SWT1: variants seen among roughly 807,000 people sequenced by gnomAD.
SWT1 encodes the protein SWT1 RNA endoribonuclease homolog.
A neutral mutation model predicts 107.3 loss-of-function variants in SWT1; 33 were observed. That is an observed-to-expected ratio of 0.31 (90% CI 0.23 to 0.41). SWT1 has a LOEUF of 0.41. SWT1 is among the 10% of genes least tolerant of loss of function. SWT1 has a pLI of 1.00. For synonymous variants in SWT1, 345 were observed against 348.3 expected (o/e 0.99, Z 0.11); for missense variants, 898 against 1,028.9 (o/e 0.87, Z 1.74).
At chr1:185,259,307 C>G (rs1295238683) in intron 16 of SWT1, among the ~76,000 whole-genome samples, 1 of 152,106 alleles carries the variant, frequency 6.6e-6, no homozygotes, top group Non-Finnish European at 1.5e-5. Flanking sequence ...ATATTGCCAT[C>G]TCTCATAGGA....
At chr1:185,160,498 C>T (rs759391792) in intron 1 of SWT1, among the ~76,000 whole-genome samples, 6 of 151,980 alleles carry the variant, frequency 3.9e-5, no homozygotes, top group African/African-American at 4.8e-5. Context: ...GTCAGGAGGT[C>T]GAGACCAGCC....
intron 14 of SWT1, among the ~76,000 whole-genome samples, chr1:185,218,455 A>T (rs1160750258): frequency 2.0e-5 from 3 of 152,118 alleles, no homozygotes; most frequent in African/African-American, 7.2e-5. Flanking sequence ...AACCACAGGC[A>T]TGTGCCACAA....
chr1:185,188,750 A>G (rs1656703564), intron 9 of SWT1, among the ~76,000 whole-genome samples: 2 of 152,198 alleles, frequency 1.3e-5, no homozygotes, highest in Admixed American at 6.5e-5. Context: ...TAAGGTTGAG[A>G]TGAATTGGCT....
intron 14 of SWT1, among the ~76,000 whole-genome samples, chr1:185,215,198 T>G (rs1354942175): frequency 6.6e-6 from 1 of 152,194 alleles, no homozygotes; most frequent in Non-Finnish European, 1.5e-5. Context: ...TCACATTTGC[T>G]TTATTGTTTT....
Position 185,166,579 on chromosome 1 carries a change from A to G in SWT1, c.92A>G (p.Lys31Arg). The G allele has an allele frequency of 6.3e-7, 1 of 1,597,226 alleles. No individual in the cohort carries two copies. Residue 31 changes from lysine (K) to arginine (R), a missense_variant, in exon 3 of 19, where the codon AAA becomes AGA. Lys to Arg is a conservative substitution (Grantham distance 26). This residue lies in a region of SWT1 where 382 missense variants were observed against 362.4 expected (regional missense o/e 1.05). Transcript: ENST00000367500. ...SSPNFGEKDK[K>R]ERKTPASSTS... ...TCTTTATTGCATTCTTAGGACAAGA[A>G]AGAGAGAAAAACCCCAGCAAGTTCT... is the stretch of plus-strand genomic sequence containing the variant.
At chr1:185,241,124 T>C (rs1487387201) in intron 16 of SWT1, among the ~76,000 whole-genome samples, 3 of 152,170 alleles carry the variant, frequency 2.0e-5, no homozygotes, top group African/African-American at 7.2e-5. Flanking sequence ...TAACACACTT[T>C]AGGCTACTTC....
intron 6 of SWT1, 95 bp from the exon 7 acceptor site, chr1:185,181,851 C>T: frequency 3.7e-6 from 5 of 1,352,184 alleles, no homozygotes; most frequent in Non-Finnish European, 5.1e-6. Flanking sequence ...TTCCATAAAC[C>T]ATCTCAAGTG....
chr1:185,174,547 GAT>G lies in SWT1; in HGVS notation c.403_404del (p.Ile135GlnfsTer10). ...TAAATGTGTAGACTTTAAACCTAAA[GAT>G]ATCAAATTGACAAATGCTGGGAGCA... ...IHKCVDFKPKDIKLTNAGSKL... is the reference protein window; with the variant it reads ...IHKCVDFKPKXIKLTNAGSKL... On this transcript the variant is annotated frameshift_variant, in exon 5 of 19. Coordinates refer to ENST00000367500, the MANE Select transcript of SWT1 (RefSeq NM_017673.7). LOFTEE classifies it high-confidence loss of function. 1 of 1,607,862 alleles carries G rather than the reference GAT, an allele frequency of 6.2e-7. No individual in the cohort carries two copies. Among genetic ancestry groups the G allele is most frequent in the Non-Finnish European group, 8.5e-7 (1 of 1,178,348 alleles).
At position 185,161,996 on chromosome 1, in the gene SWT1, T is replaced by A. The variant is rs1466104718; in HGVS notation, c.84+1071T>A. Reference sequence around the variant, plus strand: ...GACTTTTTCATGACCTGGATGAAGTTCCAGATAGTGTGCTTTTTGGTGTTT... The same window carrying A: ...GACTTTTTCATGACCTGGATGAAGTACCAGATAGTGTGCTTTTTGGTGTTT... On this transcript the variant is annotated intron_variant, in intron 2 of 18. Coordinates refer to ENST00000367500, the MANE Select transcript of SWT1 (RefSeq NM_017673.7). 2.0e-5 allele frequency among the ~76,000 whole-genome samples: 3 copies of A among 152,328 alleles called. No individual in the cohort carries two copies. The East Asian group carries it at 5.8e-4, about 29-fold the overall frequency.
intron 16 of SWT1, among the ~76,000 whole-genome samples, chr1:185,270,125 C>T (rs536434535): frequency 3.3e-5 from 5 of 152,142 alleles, no homozygotes; most frequent in African/African-American, 7.2e-5. Context: ...AGTAGCCCTA[C>T]GAAGTAGGGA....
rs141960245 is a variant in SWT1 at position 185,179,140 on chromosome 1, G to A, written c.967-1251G>A. Among the ~76,000 whole-genome samples, 406 of 152,024 alleles carry A rather than the reference G, an allele frequency of 2.7e-3. 1 individual carries two copies. The highest frequency in any genetic ancestry group is 9.3e-3 in the African/African-American group (384 of 41,468). ...ACAAAAATTAGCTGGGTATGGTGGC[G>A]GGCCTGTAGTCCCAGCTACTTGGGA... On this transcript the variant is annotated intron_variant, in intron 5 of 18. Transcript: ENST00000367500.
chr1:185,180,510 T>C (rs1450303536), intron 6 of SWT1, 60 bp downstream of exon 6: 2 of 1,159,792 alleles, frequency 1.7e-6, no homozygotes, highest in African/African-American at 3.1e-5. Context: ...TTCCTACTTT[T>C]AATAAAAAAT....
intron 10 of SWT1, among the ~76,000 whole-genome samples, chr1:185,199,007 A>G (rs1376694785): frequency 6.8e-6 from 1 of 148,118 alleles, no homozygotes; most frequent in African/African-American, 2.5e-5. Context: ...GTGAGATCTC[A>G]GCTCACTGCA....
At chr1:185,241,815 G>T (rs965631624) in intron 16 of SWT1, among the ~76,000 whole-genome samples, 2 of 152,036 alleles carry the variant, frequency 1.3e-5, no homozygotes, top group Non-Finnish European at 2.9e-5. Flanking sequence ...TTTAAAAGAG[G>T]TATAGAAGAG....
At chr1:185,174,268 T>G (rs562103796) in intron 4 of SWT1, 104 bp from the exon 5 acceptor site, 21 of 854,376 alleles carry the variant, frequency 2.5e-5, no homozygotes, top group Admixed American at 1.1e-4. Context: ...TTCTACTTTT[T>G]ATGAAGCTTA....
chr1:185,248,903 A>G (rs1661803717), intron 16 of SWT1, among the ~76,000 whole-genome samples: 1 of 151,868 alleles, frequency 6.6e-6, no homozygotes, highest in Admixed American at 6.6e-5. Context: ...CCTTACCTTT[A>G]CTCTCATGTT....
At chr1:185,264,612 A>G in intron 16 of SWT1, 1 of 261,562 alleles carries the variant, frequency 3.8e-6, no homozygotes, top group Non-Finnish European at 5.9e-6. Flanking sequence ...TGTTTTACAA[A>G]TGAGAAACTA....
At chr1:185,246,061 C>A (rs915502352) in intron 16 of SWT1, among the ~76,000 whole-genome samples, 2 of 152,124 alleles carry the variant, frequency 1.3e-5, no homozygotes, top group Admixed American at 1.3e-4. Context: ...AGCCACCGCA[C>A]CCAGTCTTAC....
At chr1:185,229,385 G>T (rs1440467681) in intron 15 of SWT1, among the ~76,000 whole-genome samples, 1 of 152,090 alleles carries the variant, frequency 6.6e-6, no homozygotes. Flanking sequence ...GACTGGTATG[G>T]TTATTTTCAT....
Sources: allele counts gnomAD v4.1 joint callset (sites outside exome capture counted in the v4.1 genomes callset), GRCh38; gene constraint gnomAD v4.1.1; regional missense constraint gnomAD v4.1.1; transcripts MANE v1.5; gene names NCBI Gene and HGNC (gene_info 2026-07-23, HGNC 2026-07-21).